The following DIS3L2 variants were observed in gnomAD, a reference collection of about 807,000 sequenced individuals.
DIS3L2 encodes the protein DIS3-like exonuclease 2.
In DIS3L2, 34 loss-of-function variants were observed where a neutral mutation model predicts 97.5. The observed-to-expected ratio is 0.35, with a 90% CI of 0.27 to 0.46. DIS3L2 has a LOEUF of 0.46. DIS3L2 is among the 20% of genes least tolerant of loss of function. The probability of loss-of-function intolerance (pLI) is 1.00; values close to 1 mark genes in which losing one functional copy is unlikely to be tolerated. For missense variants in DIS3L2, 1,038 were observed against 1,146.0 expected (o/e 0.91, Z 1.36); for synonymous variants, 435 against 445.2 (o/e 0.98, Z 0.29).
intron 14 of DIS3L2, among the ~76,000 whole-genome samples, chr2:232,323,784 G>A (rs1453683270): frequency 2.0e-5 from 3 of 152,170 alleles, no homozygotes; most frequent in Non-Finnish European, 4.4e-5. Context: ...CTGGAGACTG[G>A]CAGCAGGGTG....
intron 10 of DIS3L2, among the ~76,000 whole-genome samples, chr2:232,233,733 C>T (rs1692858866): frequency 6.6e-6 from 1 of 152,214 alleles, no homozygotes; most frequent in Admixed American, 6.5e-5. Flanking sequence ...TGTGCTCATT[C>T]CTGGCACAGG....
intron 6 of DIS3L2, among the ~76,000 whole-genome samples, chr2:232,116,999 C>T (rs1307294124): frequency 1.3e-5 from 2 of 152,184 alleles, no homozygotes; most frequent in Non-Finnish European, 2.9e-5. Context: ...CATCTCTGCT[C>T]CTCAGCTAGC....
intron 13 of DIS3L2, among the ~76,000 whole-genome samples, chr2:232,283,519 T>TG (rs1170234088): frequency 6.6e-6 from 1 of 152,152 alleles, no homozygotes; most frequent in African/African-American, 2.4e-5. Context: ...TGCACCCCCA[T>TG]AGTGTTGGAA....
Position 232,091,073 on chromosome 2 carries a change from C to T in DIS3L2, c.601+3352C>T, listed in dbSNP as rs572875411. Among the ~76,000 whole-genome samples, 15 of 152,254 alleles carry T rather than the reference C, an allele frequency of 9.9e-5. No homozygotes were observed. In the South Asian group the frequency reaches 3.1e-3, roughly 32 times the overall value. On this transcript the variant is annotated intron_variant, in intron 6 of 20. Coordinates refer to ENST00000325385, the MANE Select transcript of DIS3L2 (RefSeq NM_152383.5). ...TGGGCCCCTTTTAGAGATCCACTCCCCAATCCCCCTTTGAGATTGAACTTT... is the reference window on the plus strand; with the variant it reads ...TGGGCCCCTTTTAGAGATCCACTCCTCAATCCCCCTTTGAGATTGAACTTT...
At chr2:232,309,400 G>A (rs547665339) in intron 14 of DIS3L2, among the ~76,000 whole-genome samples, 70 of 152,324 alleles carry the variant, frequency 4.6e-4, no homozygotes, top group African/African-American at 1.5e-3. Flanking sequence ...AGAGAGTAGC[G>A]GAAGGCAGAG....
rs866639229 is a variant in DIS3L2 at position 232,324,014 on chromosome 2, G to A, written c.1740-5799G>A. ...CCAGCAGCCTGCAATTCAGTGCTCC[G>A]TAGACCCCTGCCTCCCAGGGCTCTG... is the stretch of plus-strand genomic sequence containing the variant. On this transcript the variant is annotated intron_variant, in intron 14 of 20. Transcript: ENST00000325385. Among the ~76,000 whole-genome samples the A allele has an allele frequency of 3.8e-4, 58 of 152,220 alleles. 1 individual carries two copies. Among genetic ancestry groups the A allele is most frequent in the African/African-American group, 1.2e-3 (49 of 41,540 alleles).
chr2:232,110,083 C>T (rs940659036), intron 6 of DIS3L2, among the ~76,000 whole-genome samples: 2 of 151,760 alleles, frequency 1.3e-5, no homozygotes, highest in Non-Finnish European at 2.9e-5. Context: ...ATGCATGTGG[C>T]CAACATTTGT....
Position 232,335,777 on chromosome 2 carries a change from T to C in DIS3L2, c.2399T>C (p.Leu800Pro). ...GVQKRIYCNA[L>P]ALRSHHFQKV... is the part of the protein sequence containing the mutation. Reference sequence around the variant, plus strand: ...GGCTTGGTGTTTGCACTCCAGGCACTGGCCCTGCGGTCCCACCACTTCCAG... The same window carrying C: ...GGCTTGGTGTTTGCACTCCAGGCACCGGCCCTGCGGTCCCACCACTTCCAG... Residue 800 changes from leucine (L) to proline (P), a missense_variant, in exon 20 of 21, where the codon CTG becomes CCG. By Grantham distance (98) the Leu-to-Pro change is moderately conservative. This residue lies in a region of DIS3L2 where 221 missense variants were observed against 246.9 expected (regional missense o/e 0.90). Coordinates refer to ENST00000325385, the MANE Select transcript of DIS3L2 (RefSeq NM_152383.5). The C allele has an allele frequency of 2.6e-6, 4 of 1,550,430 alleles. No individual in the cohort carries two copies. Among genetic ancestry groups the C allele is most frequent in the Non-Finnish European group, 3.5e-6 (4 of 1,146,958 alleles).
intron 3 of DIS3L2, among the ~76,000 whole-genome samples, chr2:232,019,907 TAGAG>T (rs1210404973): frequency 6.6e-6 from 1 of 152,000 alleles, no homozygotes; most frequent in Non-Finnish European, 1.5e-5. Context: ...AGAGAATAAT[TAGAG>T]AGAGCCTCTT....
intron 12 of DIS3L2, among the ~76,000 whole-genome samples, chr2:232,253,854 C>A (rs1445716535): frequency 6.6e-6 from 1 of 152,138 alleles, no homozygotes; most frequent in African/African-American, 2.4e-5. Flanking sequence ...ATGGGGGCTG[C>A]TGTTTTTCAT....
At chr2:232,147,297 A>G (rs2106364120) in intron 8 of DIS3L2, among the ~76,000 whole-genome samples, 1 of 152,280 alleles carries the variant, frequency 6.6e-6, no homozygotes, top group Admixed American at 6.5e-5. Context: ...ATGTTTCAGA[A>G]CAGATTTAGA....
intron 3 of DIS3L2, among the ~76,000 whole-genome samples, chr2:232,020,001 T>G (rs1390485608): frequency 2.6e-5 from 4 of 151,690 alleles, no homozygotes; most frequent in Non-Finnish European, 4.4e-5. Flanking sequence ...AATTGAAGAA[T>G]TAGGAGAAGA....
At chr2:232,124,436 A>G (rs1697996912) in intron 6 of DIS3L2, among the ~76,000 whole-genome samples, 1 of 152,224 alleles carries the variant, frequency 6.6e-6, no homozygotes, top group Non-Finnish European at 1.5e-5. Context: ...TTGATTAAAT[A>G]TTTTGAAGAG....
At chr2:232,339,171 C>CTGTT (rs1696054980), downstream of DIS3L2, among the ~76,000 whole-genome samples, 1 of 152,228 alleles carries the variant, frequency 6.6e-6, no homozygotes, top group African/African-American at 2.4e-5. Flanking sequence ...TCCCCAGTTC[C>CTGTT]TGTTAGGAAG....
chr2:232,307,487 A>C, intron 14 of DIS3L2: 1 of 151,514 alleles, frequency 6.6e-6, no homozygotes, highest in Non-Finnish European at 1.5e-5. Context: ...ATATAGTGGT[A>C]ATTACAGTCA....
chr2:232,328,912 G>A (rs10199470), intron 14 of DIS3L2: 16,596 of 152,308 alleles, frequency 0.11, 2,046 homozygotes, highest in African/African-American at 0.3. Context: ...AGATTTGGTG[G>A]TAGGGTCAGT....
At chr2:232,317,046 G>GTA (rs1695295356) in intron 14 of DIS3L2, among the ~76,000 whole-genome samples, 1 of 152,214 alleles carries the variant, frequency 6.6e-6, no homozygotes, top group Non-Finnish European at 1.5e-5. Context: ...AGAACCACCA[G>GTA]TACCTCGCTG....
At chr2:232,100,653 T>A (rs1034084021) in intron 6 of DIS3L2, among the ~76,000 whole-genome samples, 1 of 152,130 alleles carries the variant, frequency 6.6e-6, no homozygotes, top group Non-Finnish European at 1.5e-5. Context: ...GCTATTTAAT[T>A]CTGTATTTTG....
chr2:232,328,536 A>G (rs2106346486), intron 14 of DIS3L2: 1 of 152,268 alleles, frequency 6.6e-6, no homozygotes, highest in South Asian at 2.1e-4. Context: ...GAGCATGGCC[A>G]GATGACGAGG....
Sources: gnomAD v4.1 joint callset for allele counts (sites outside exome capture counted in the v4.1 genomes callset) on GRCh38, gnomAD v4.1.1 for gene constraint, gnomAD v4.1.1 regional missense constraint, MANE v1.5 for transcripts, NCBI Gene and HGNC (gene_info 2026-07-23, HGNC 2026-07-21) for gene names.